The following SPOCK1 variants were observed in gnomAD, a reference collection of about 807,000 sequenced individuals.
SPOCK1 encodes testican-1.
SPOCK1 carries 23 observed loss-of-function variants against 55.3 expected under a neutral mutation model. That is an observed-to-expected ratio of 0.42 (90% CI 0.30 to 0.59). SPOCK1 has a LOEUF of 0.59. Ranked by LOEUF, SPOCK1 falls within the 20% of genes least tolerant of loss-of-function variation. SPOCK1 has a pLI of 0.22. For missense variants in SPOCK1, 499 were observed against 552.5 expected, an observed-to-expected ratio of 0.90 and a Z score of 0.97; for synonymous variants, 226 against 221.0, an observed-to-expected ratio of 1.02 and a Z score of -0.20.
At chr5:137,285,880 T>C (rs1199587024) in intron 2 of SPOCK1, among the ~76,000 whole-genome samples, 2 of 149,038 alleles carry the variant, frequency 1.3e-5, no homozygotes, top group African/African-American at 2.5e-5. Flanking sequence ...AGCACAATTG[T>C]TTTTTTTTTC....
intron 3 of SPOCK1, among the ~76,000 whole-genome samples, chr5:137,187,559 C>T (rs996771713): frequency 2.0e-5 from 3 of 152,136 alleles, no homozygotes; most frequent in Admixed American, 6.5e-5. Context: ...AGCTTAATCT[C>T]CCTCCCATTT....
chr5:137,418,548 A>T (rs1229713), intron 2 of SPOCK1, among the ~76,000 whole-genome samples: 54,797 of 152,016 alleles, frequency 0.36, 10,824 homozygotes, highest in East Asian at 0.64. Context: ...CATTTCTCTG[A>T]TGGCCACTGA....
rs11479277 is a variant in SPOCK1 at position 137,039,270 on chromosome 5, C to CTTTTTTTTTTTTTTT, written c.589+28430_589+28444dup. ...TCACTCTGCCTTTCTGCCTGCCACA[C>CTTTTTTTTTTTTTTT]TTTTTTTTTTTTTTTTTTTTTTTTT... On this transcript the variant is annotated intron_variant, in intron 6 of 10. Coordinates refer to ENST00000394945, the MANE Select transcript of SPOCK1 (RefSeq NM_004598.4). 1.7e-4 allele frequency among the ~76,000 whole-genome samples: 15 copies of CTTTTTTTTTTTTTTT among 88,898 alleles called. 1 individual carries two copies. Among genetic ancestry groups the CTTTTTTTTTTTTTTT allele is most frequent in the African/African-American group, 3.0e-4 (8 of 26,930 alleles). 58.3% of individuals were successfully genotyped at this position (88,898 alleles called of 152,430 possible).
chr5:137,459,442 A>G (rs1468519094), intron 2 of SPOCK1, among the ~76,000 whole-genome samples: 1 of 110,132 alleles, frequency 9.1e-6, no homozygotes, highest in East Asian at 2.7e-4. Flanking sequence ...GAGAGAGGCT[A>G]ATGAAAGGCT....
chr5:137,434,569 G>A (rs1171790156), intron 2 of SPOCK1, among the ~76,000 whole-genome samples: 1 of 131,362 alleles, frequency 7.6e-6, no homozygotes, highest in Admixed American at 9.7e-5. Context: ...GTGCGATCTC[G>A]GCTCACTGCA....
chr5:137,313,524 C>T, intron 2 of SPOCK1: 1 of 983,418 alleles, frequency 1.0e-6, no homozygotes, highest in African/African-American at 1.7e-5. Flanking sequence ...CAGAAGGGAT[C>T]CATAGGAGAG....
At chr5:137,084,600 C>T (rs1047049181) in intron 5 of SPOCK1, among the ~76,000 whole-genome samples, 1 of 151,938 alleles carries the variant, frequency 6.6e-6, no homozygotes, top group Non-Finnish European at 1.5e-5. Context: ...CTCTTTGATT[C>T]CCTCACCAAA....
rs777031980 is a variant in SPOCK1, at chr5:137,187,023, C to T, written c.233-46329G>A. On this transcript the variant is annotated intron_variant, in intron 3 of 10. Transcript: ENST00000394945. The stretch of plus-strand genomic sequence containing the variant: ...TTGTGACATTGCCCCATCCAGTCCA[C>T]GTCCCACCTCTCTGGCAGCTCCTTG... Among the ~76,000 whole-genome samples, 6 of 152,208 alleles carry T rather than the reference C, an allele frequency of 3.9e-5. No individual in the cohort carries two copies. The South Asian group carries it at 6.2e-4, about 16-fold the overall frequency.
chr5:137,295,768 GAATCA>G (rs1424082025), intron 2 of SPOCK1, among the ~76,000 whole-genome samples: 2 of 151,512 alleles, frequency 1.3e-5, no homozygotes, highest in East Asian at 3.9e-4. Flanking sequence ...TGATTTATGT[GAATCA>G]AATATGAGTG....
intron 2 of SPOCK1, among the ~76,000 whole-genome samples, chr5:137,370,927 G>A (rs1414948205): frequency 6.6e-6 from 1 of 152,146 alleles, no homozygotes; most frequent in African/African-American, 2.4e-5. Flanking sequence ...GACACAAAGG[G>A]ACAGCCTGAG....
intron 3 of SPOCK1, among the ~76,000 whole-genome samples, chr5:137,189,104 G>T (rs1242524151): frequency 6.6e-6 from 1 of 152,228 alleles, no homozygotes; most frequent in African/African-American, 2.4e-5. Context: ...TTTAAAGAAA[G>T]AAGCCATCTC....
intron 2 of SPOCK1, among the ~76,000 whole-genome samples, chr5:137,336,864 C>A (rs756060343): frequency 2.6e-5 from 4 of 152,130 alleles, no homozygotes; most frequent in Non-Finnish European, 5.9e-5. Flanking sequence ...AGGATTGGAG[C>A]CCAAGAGAGT....
intron 2 of SPOCK1, among the ~76,000 whole-genome samples, chr5:137,312,520 A>T (rs970265302): frequency 3.3e-5 from 5 of 152,124 alleles, no homozygotes; most frequent in East Asian, 1.9e-4. Flanking sequence ...TGTTTTTTTT[A>T]AATTTTTTGT....
intron 3 of SPOCK1, among the ~76,000 whole-genome samples, chr5:137,215,425 T>G (rs1755697549): frequency 6.6e-6 from 1 of 152,018 alleles, no homozygotes; most frequent in Non-Finnish European, 1.5e-5. Context: ...CAACTAAGCT[T>G]TGAGGGACAA....
intron 2 of SPOCK1, among the ~76,000 whole-genome samples, chr5:137,389,366 G>A (rs577999573): frequency 1.1e-4 from 17 of 152,226 alleles, no homozygotes; most frequent in African/African-American, 2.4e-4. Flanking sequence ...AATACTACTC[G>A]GATTTGTATT....
intron 6 of SPOCK1, among the ~76,000 whole-genome samples, chr5:137,064,093 C>T (rs949858132): frequency 6.6e-6 from 1 of 152,006 alleles, no homozygotes; most frequent in African/African-American, 2.4e-5. Flanking sequence ...ACAGGTCTCT[C>T]GGTAGATGCA....
chr5:137,442,961 C>A (rs1350663162), intron 2 of SPOCK1, among the ~76,000 whole-genome samples: 1 of 152,148 alleles, frequency 6.6e-6, no homozygotes, highest in Non-Finnish European at 1.5e-5. Flanking sequence ...CTCATTGGCA[C>A]CTGTAATGCT....
intron 4 of SPOCK1, among the ~76,000 whole-genome samples, chr5:137,115,152 C>T (rs1018009888): frequency 2.0e-5 from 3 of 152,082 alleles, no homozygotes; most frequent in African/African-American, 4.8e-5. Flanking sequence ...GCATCCTGGA[C>T]GCTAAAGATA....
In SPOCK1 at chr5:137,200,069, C is replaced by T. The variant is rs934037835; in HGVS notation, c.233-59375G>A. ...CAGCCTCTAAGTGGTCTCCCTGCTT[C>T]TTCCATTTAGTCTGTGATCCCATGA... On this transcript the variant is annotated intron_variant, in intron 3 of 10. Coordinates refer to ENST00000394945, the MANE Select transcript of SPOCK1 (RefSeq NM_004598.4). 5.3e-5 allele frequency among the ~76,000 whole-genome samples: 8 copies of T among 152,232 alleles called. No individual in the cohort carries two copies. In the East Asian group the frequency reaches 1.5e-3, roughly 29 times the overall value.
Sources: allele counts gnomAD v4.1 joint callset (sites outside exome capture counted in the v4.1 genomes callset), GRCh38; gene constraint gnomAD v4.1.1; transcripts MANE v1.5; gene names NCBI Gene and HGNC (gene_info 2026-07-23, HGNC 2026-07-21).